The following STRADB variants were observed in gnomAD, a reference collection of about 807,000 sequenced individuals.
The protein encoded by STRADB is STE20-related kinase adapter protein beta.
Under a neutral mutation model 52.1 loss-of-function variants are expected in STRADB, and 34 were observed. The ratio of observed to expected loss-of-function variants is 0.65; its 90% CI spans 0.50 to 0.87. The LOEUF (loss-of-function observed/expected upper bound fraction) is 0.87, where lower values mean the gene tolerates loss of function less well. Among genes scored for constraint, STRADB ranks in the 40% least tolerant of loss-of-function variants. STRADB has a pLI of 0.00. For synonymous variants in STRADB, 133 were observed against 174.5 expected (o/e 0.76, Z 1.87); for missense variants, 340 against 483.9 (o/e 0.70, Z 2.79).
chr2:201,456,880 A>C (rs1251008761), intron 2 of STRADB, among the ~76,000 whole-genome samples: 1 of 152,238 alleles, frequency 6.6e-6, no homozygotes, highest in African/African-American at 2.4e-5. Flanking sequence ...GTGGAGTTCC[A>C]TAGTATATGC....
At chr2:201,454,965 T>C in intron 2 of STRADB, 113 bp downstream of exon 2, 1 of 902,972 alleles carries the variant, frequency 1.1e-6, no homozygotes, top group South Asian at 2.2e-5. Flanking sequence ...TCTGAGATAT[T>C]GTTTTGACCT....
intron 3 of STRADB, among the ~76,000 whole-genome samples, chr2:201,459,887 C>A (rs1490729532): frequency 3.1e-5 from 1 of 32,592 alleles, no homozygotes; most frequent in Non-Finnish European, 1.2e-4. Flanking sequence ...AATTCTTCCT[C>A]ATCCATAAAG....
intron 1 of STRADB, among the ~76,000 whole-genome samples, chr2:201,452,949 C>T (rs1389843230): frequency 6.6e-6 from 1 of 152,126 alleles, no homozygotes; most frequent in Non-Finnish European, 1.5e-5. Flanking sequence ...ATATAAGTCT[C>T]TTAAATATGA....
chr2:201,472,798 C>T (rs1952411169), intron 4 of STRADB, 157 bp from the exon 5 acceptor site: 1 of 612,464 alleles, frequency 1.6e-6, no homozygotes, highest in Admixed American at 3.7e-5. Context: ...AATTGGATTG[C>T]TTGATAAGTA....
intron 2 of STRADB, among the ~76,000 whole-genome samples, chr2:201,458,394 A>G (rs1952159964): frequency 6.6e-6 from 1 of 152,268 alleles, no homozygotes; most frequent in African/African-American, 2.4e-5. Context: ...GCTGAGGATC[A>G]AAATAAAAAT....
At position 201,462,472 on chromosome 2, in the gene STRADB, GTCT is replaced by G. The variant is rs1165080153; in HGVS notation, c.93+3616_93+3618del. ...TTTTGTATTCTCTTCCTTCCTTCCT[GTCT>G]TCTTCTTTTTTGTGAAGTTTATTTT... is the stretch of plus-strand genomic sequence containing the variant. On this transcript the variant is annotated intron_variant, in intron 3 of 11. Coordinates refer to ENST00000194530, the MANE Select transcript of STRADB (RefSeq NM_018571.6). 4.6e-5 allele frequency among the ~76,000 whole-genome samples: 7 copies of G among 151,898 alleles called. No homozygotes were observed. In the South Asian group the frequency reaches 6.2e-4, roughly 14 times the overall value.
rs1952513363 is a variant in STRADB at position 201,478,346 on chromosome 2, G to C, written c.826-11G>C. On this transcript the variant is annotated splice_polypyrimidine_tract_variant and intron_variant, in intron 9 of 11. Coordinates refer to ENST00000194530, the MANE Select transcript of STRADB (RefSeq NM_018571.6). ...CTGAAAAGTGTTGAAGGAAAGTTCTGTTTCTTTTAGATGCTGTTACAGAAA... is the reference window on the plus strand; with the variant it reads ...CTGAAAAGTGTTGAAGGAAAGTTCTCTTTCTTTTAGATGCTGTTACAGAAA... 1.9e-6 allele frequency: 3 copies of C among 1,612,074 alleles called. No individual in the cohort carries two copies. The highest frequency in any genetic ancestry group is 2.5e-6 in the Non-Finnish European group (3 of 1,179,310).
In STRADB at chr2:201,470,021, C is replaced by T. The variant is rs773980693; in HGVS notation, c.162C>T (p.Asn54=). 2.2e-5 allele frequency: 35 copies of T among 1,613,882 alleles called. 1 individual carries two copies. The highest frequency in any genetic ancestry group is 3.3e-5 in the South Asian group (3 of 91,076). ...TRASEVLCST[N]VSHYELQVEI... is the part of the protein sequence containing the mutation. The stretch of plus-strand genomic sequence containing the variant: ...CCAGTGAAGTACTATGTTCCACCAA[C>T]GTTTCTCACTATGAGCTCCAAGTAG... Residue 54 remains asparagine, a synonymous_variant, in exon 4 of 12, where the codon AAC becomes AAT. Coordinates refer to ENST00000194530, the MANE Select transcript of STRADB (RefSeq NM_018571.6).
intron 1 of STRADB, 124 bp from the exon 2 acceptor site, chr2:201,454,622 G>C (rs1442600211): frequency 7.4e-6 from 3 of 408,024 alleles, no homozygotes; most frequent in Non-Finnish European, 1.3e-5. Flanking sequence ...CTTGTGTCAA[G>C]GAGTAGCTGC....
chr2:201,459,328 G>A (rs1952176982), intron 3 of STRADB, among the ~76,000 whole-genome samples: 1 of 151,974 alleles, frequency 6.6e-6, no homozygotes, highest in South Asian at 2.1e-4. Flanking sequence ...CTCTTTCCTG[G>A]GCAACAGACG....
Position 201,470,418 on chromosome 2 carries a change from T to A in STRADB, c.193+366T>A, listed in dbSNP as rs114856089. Among the ~76,000 whole-genome samples, 1,347 of 152,370 alleles carry A rather than the reference T, an allele frequency of 8.8e-3. 23 individuals are homozygous for A. Among genetic ancestry groups the A allele is most frequent in the African/African-American group, 0.031 (1,287 of 41,586 alleles). On this transcript the variant is annotated intron_variant, in intron 4 of 11. Coordinates refer to ENST00000194530, the MANE Select transcript of STRADB (RefSeq NM_018571.6). Reference sequence around the variant, plus strand: ...CAGTCACAATCCTTTAAATTGCTTCTCAGTTTAAAAATTTATCTAAAATAT... The same window carrying A: ...CAGTCACAATCCTTTAAATTGCTTCACAGTTTAAAAATTTATCTAAAATAT...
chr2:201,464,321 G>T (rs1447590314), intron 3 of STRADB, among the ~76,000 whole-genome samples: 1 of 152,048 alleles, frequency 6.6e-6, no homozygotes, highest in Non-Finnish European at 1.5e-5. Flanking sequence ...TTCAAGCCCA[G>T]CAAAACTGTG....
At chr2:201,453,671 C>T (rs893628457) in intron 1 of STRADB, among the ~76,000 whole-genome samples, 5 of 152,138 alleles carry the variant, frequency 3.3e-5, no homozygotes, top group East Asian at 3.9e-4. Context: ...GCCATCAGTA[C>T]ATTTGAGTGT....
intron 7 of STRADB, 119 bp from the exon 8 acceptor site, chr2:201,477,500 G>C (rs1273855491): frequency 9.9e-7 from 1 of 1,008,262 alleles, no homozygotes; most frequent in African/African-American, 1.6e-5. Flanking sequence ...AGTTTATACT[G>C]CTGTTTTGTA....
chr2:201,472,818 C>A, intron 4 of STRADB, 137 bp from the exon 5 acceptor site: 1 of 765,140 alleles, frequency 1.3e-6, no homozygotes, highest in Non-Finnish European at 2.0e-6. Context: ...ATTATTAATA[C>A]TTTGAATCAG....
Position 201,470,091 on chromosome 2 carries a change from G to T in STRADB, c.193+39G>T, listed in dbSNP as rs562606549. On this transcript the variant is annotated intron_variant, in intron 4 of 11. Coordinates refer to ENST00000194530, the MANE Select transcript of STRADB (RefSeq NM_018571.6). ...ATTTCTAATTGACCCTTCAGTGCTA[G>T]AAATTAAATTGATGACAAAAAGATT... 5.4e-5 allele frequency: 79 copies of T among 1,450,700 alleles called. No individual in the cohort carries two copies. The South Asian group carries it at 8.2e-4, about 15-fold the overall frequency. The allele number at this position is 1,450,700 out of a possible 1,614,324, so 89.9% of individuals were successfully genotyped here.
chr2:201,466,531 G>A (rs1952307446), intron 3 of STRADB, among the ~76,000 whole-genome samples: 1 of 152,174 alleles, frequency 6.6e-6, no homozygotes, highest in African/African-American at 2.4e-5. Flanking sequence ...AACACCATCT[G>A]TTGTCTTTTC....
chr2:201,458,652 AT>A, intron 2 of STRADB, 131 bp from the exon 3 acceptor site: 2 of 678,866 alleles, frequency 2.9e-6, no homozygotes, highest in Non-Finnish European at 5.0e-6. Flanking sequence ...CCTGGCTTCA[AT>A]TCCAAGTTTC....
intron 7 of STRADB, among the ~76,000 whole-genome samples, chr2:201,477,404 G>A (rs1952495377): frequency 6.6e-6 from 1 of 152,134 alleles, no homozygotes; most frequent in Non-Finnish European, 1.5e-5. Flanking sequence ...ATCTTTACTT[G>A]TGTTGGTGCT....
Sources: allele counts gnomAD v4.1 joint callset (sites outside exome capture counted in the v4.1 genomes callset), GRCh38; gene constraint gnomAD v4.1.1; transcripts MANE v1.5; gene names NCBI Gene and HGNC (gene_info 2026-07-23, HGNC 2026-07-21).